The following UBE2E2 variants were observed in gnomAD, a reference collection of about 807,000 sequenced individuals.
UBE2E2 encodes the protein ubiquitin conjugating enzyme E2 E2, also known as ubiquitin-conjugating enzyme E2 E2.
UBE2E2 carries 6 observed loss-of-function variants against 24.7 expected under a neutral mutation model. The observed-to-expected ratio is 0.24, with a 90% CI of 0.13 to 0.48. UBE2E2 has a LOEUF of 0.48. Ranked by LOEUF, UBE2E2 falls within the 20% of genes least tolerant of loss-of-function variation. The pLI is 0.99. For missense variants in UBE2E2, 169 were observed against 245.0 expected, an observed-to-expected ratio of 0.69 and a Z score of 2.07; for synonymous variants, 104 against 83.6, an observed-to-expected ratio of 1.24 and a Z score of -1.33.
intron 3 of UBE2E2, among the ~76,000 whole-genome samples, chr3:23,244,047 T>C (rs1047352767): frequency 1.3e-5 from 2 of 151,918 alleles, no homozygotes; most frequent in Non-Finnish European, 2.9e-5. Context: ...TAGTCTCTTA[T>C]TATGATATCA....
chr3:23,237,260 AT>A (rs1697136751), intron 3 of UBE2E2, among the ~76,000 whole-genome samples: 2 of 151,998 alleles, frequency 1.3e-5, no homozygotes, highest in South Asian at 4.1e-4. Context: ...TCTTTTCTTC[AT>A]TTGTTTTGGG....
At chr3:23,333,322 C>G (rs1695118346) in intron 3 of UBE2E2, among the ~76,000 whole-genome samples, 2 of 152,146 alleles carry the variant, frequency 1.3e-5, no homozygotes, top group Non-Finnish European at 1.5e-5. Flanking sequence ...CTTTCGAAGG[C>G]TATAAAAGAC....
intron 3 of UBE2E2, among the ~76,000 whole-genome samples, chr3:23,307,950 T>A (rs945844728): frequency 1.3e-5 from 2 of 152,112 alleles, no homozygotes; most frequent in Admixed American, 6.6e-5. Context: ...ATGCTTAAAT[T>A]TTGCACGCTT....
chr3:23,281,333 T>TA (rs1232948844), intron 3 of UBE2E2, among the ~76,000 whole-genome samples: 1 of 152,198 alleles, frequency 6.6e-6, no homozygotes, highest in Non-Finnish European at 1.5e-5. Flanking sequence ...GTGAAACACT[T>TA]TATAAAGAAA....
intron 5 of UBE2E2, among the ~76,000 whole-genome samples, chr3:23,581,449 G>A (rs1184201685): frequency 6.6e-6 from 1 of 152,120 alleles, no homozygotes; most frequent in African/African-American, 2.4e-5. Flanking sequence ...AAGACAATCA[G>A]GTATATATTC....
chr3:23,224,805 T>C (rs1399547224), intron 3 of UBE2E2, among the ~76,000 whole-genome samples: 4 of 152,182 alleles, frequency 2.6e-5, no homozygotes, highest in Non-Finnish European at 5.9e-5. Flanking sequence ...TTATGAACAT[T>C]TATGTACAGG....
intron 1 of UBE2E2, chr3:23,204,582 A>T (rs74327063): frequency 0.088 from 51,018 of 580,192 alleles, 2,651 homozygotes; most frequent in Non-Finnish European, 0.099. Context: ...TGCCTTTACT[A>T]CGGCAATTTG....
chr3:23,498,414 T>C (rs1225218296), intron 3 of UBE2E2, among the ~76,000 whole-genome samples: 1 of 152,204 alleles, frequency 6.6e-6, no homozygotes, highest in East Asian at 1.9e-4. Context: ...AGGAATTTCT[T>C]TGAGCTTCCG....
In UBE2E2 at chr3:23,442,299, T is replaced by TA. The variant is rs879794239; in HGVS notation, c.228-57298dup. On this transcript the variant is annotated intron_variant, in intron 3 of 5. Coordinates refer to ENST00000396703, the MANE Select transcript of UBE2E2 (RefSeq NM_152653.4). ...GAGAATACCAAAACATTTCTAAATT[T>TA]AAAAAAAAAAATGAATCCTGCTACT... is the stretch of plus-strand genomic sequence containing the variant. Among the ~76,000 whole-genome samples, 1,336 of 147,756 alleles carry TA rather than the reference T, an allele frequency of 9.0e-3. 6 individuals are homozygous for TA. Among genetic ancestry groups the TA allele is most frequent in the Non-Finnish European group, 0.011 (757 of 66,548 alleles).
chr3:23,352,813 G>A (rs1243361089), intron 3 of UBE2E2, among the ~76,000 whole-genome samples: 1 of 152,156 alleles, frequency 6.6e-6, no homozygotes, highest in African/African-American at 2.4e-5. Context: ...GTACAAGGAG[G>A]AACTGGTACG....
chr3:23,590,003 C>CAGA lies in UBE2E2; in HGVS notation c.*172_*173insAGA. 1 of 560,578 alleles carries CAGA rather than the reference C, an allele frequency of 1.8e-6. No homozygotes were observed. 34.7% of individuals were successfully genotyped at this position (560,578 alleles called of 1,614,324 possible). ...TCCCATCCCAGTTCTTCCTGCCCCC[C>CAGA]TTCCTCTCTCCCACGCTCTCTTTTA... On this transcript the variant is annotated 3_prime_UTR_variant, in exon 6 of 6. Transcript: ENST00000396703.
rs558480595 is a variant in UBE2E2, at chr3:23,534,217, A to G, written c.508+1516A>G. 3,996 of 981,684 alleles carry G rather than the reference A, an allele frequency of 4.1e-3. 9 individuals carry two copies. The highest frequency in any genetic ancestry group is 4.4e-3 in the Non-Finnish European group (3,671 of 829,524). The allele number at this position is 981,684 out of a possible 1,614,324, so 60.8% of individuals were successfully genotyped here. On this transcript the variant is annotated intron_variant, in intron 5 of 5. Coordinates refer to ENST00000396703, the MANE Select transcript of UBE2E2 (RefSeq NM_152653.4). ...TGAAATGGAATCTGTTACCCTGAAT[A>G]AGCCTGTATATGACAGCCTGTTCTC...
rs888305835 is a variant in UBE2E2, at chr3:23,374,487, G to T, written c.228-125121G>T. Among the ~76,000 whole-genome samples, 10 of 152,254 alleles carry T rather than the reference G, an allele frequency of 6.6e-5. 2 individuals carry two copies. Among genetic ancestry groups the T allele is most frequent in the Admixed American group, 1.3e-4 (2 of 15,274 alleles). On this transcript the variant is annotated intron_variant, in intron 3 of 5. Transcript: ENST00000396703. The stretch of plus-strand genomic sequence containing the variant: ...ATACTATAAAATGCTACTTAGGCAG[G>T]TTATAGACTCCAATTATTATAGTTA...
chr3:23,225,098 A>C (rs1246520641), intron 3 of UBE2E2, among the ~76,000 whole-genome samples: 1 of 151,920 alleles, frequency 6.6e-6, no homozygotes. Context: ...TCTTCTTTGG[A>C]GAAATGTTAG....
chr3:23,441,547 A>AC (rs1698305487), intron 3 of UBE2E2, among the ~76,000 whole-genome samples: 1 of 151,154 alleles, frequency 6.6e-6, no homozygotes, highest in Non-Finnish European at 1.5e-5. Flanking sequence ...TCAAAAAAAA[A>AC]AAAAAAAGAA....
chr3:23,533,849 C>G (rs1446789145), intron 5 of UBE2E2, among the ~76,000 whole-genome samples: 1 of 152,006 alleles, frequency 6.6e-6, no homozygotes, highest in African/African-American at 2.4e-5. Flanking sequence ...TCTCGAACTC[C>G]TGACCTTGTG....
intron 3 of UBE2E2, among the ~76,000 whole-genome samples, chr3:23,225,695 A>G (rs180777419): frequency 3.3e-5 from 5 of 152,200 alleles, no homozygotes; most frequent in African/African-American, 7.2e-5. Flanking sequence ...CTTTATTACT[A>G]TAGTTTTACT....
intron 3 of UBE2E2, among the ~76,000 whole-genome samples, chr3:23,495,606 T>G (rs998462380): frequency 6.6e-6 from 1 of 152,256 alleles, no homozygotes; most frequent in Non-Finnish European, 1.5e-5. Flanking sequence ...TGATTTTCTC[T>G]ACTTTTAAGC....
At chr3:23,509,808 A>G (rs909222967) in intron 4 of UBE2E2, among the ~76,000 whole-genome samples, 6 of 137,160 alleles carry the variant, frequency 4.4e-5, no homozygotes, top group Non-Finnish European at 9.0e-5. Context: ...GTTCCCACCT[A>G]TGAGTGAGAA....
Sources: allele counts gnomAD v4.1 joint callset (sites outside exome capture counted in the v4.1 genomes callset), GRCh38; gene constraint gnomAD v4.1.1; transcripts MANE v1.5; gene names NCBI Gene and HGNC (gene_info 2026-07-23, HGNC 2026-07-21).